Variants in GARIN2 observed in about 807,000 individuals in gnomAD.
GARIN2 encodes the protein Golgi-associated RAB2 interactor protein 2.
chr14:67,212,167 G>C, the GARIN2 span, among the ~76,000 whole-genome samples: 1 of 152,156 alleles, frequency 6.6e-6, no homozygotes, highest in Non-Finnish European at 1.5e-5. Context: ...GTAAGGTTCT[G>C]AGAAGCATAG....
chr14:67,213,655 T>C, the GARIN2 span, among the ~76,000 whole-genome samples: 1 of 152,082 alleles, frequency 6.6e-6, no homozygotes, highest in South Asian at 2.1e-4. Context: ...AGCAGCATGA[T>C]TTATAGTCCT....
the GARIN2 span, among the ~76,000 whole-genome samples, chr14:67,215,644 G>A: frequency 5.3e-5 from 8 of 152,186 alleles, no homozygotes; most frequent in Admixed American, 5.2e-4. Flanking sequence ...CTGCTCAGTG[G>A]AAAACATACC....
chr14:67,203,367 C>G, the GARIN2 span: 1 of 1,250,914 alleles, frequency 8.0e-7, no homozygotes, highest in Non-Finnish European at 1.1e-6. Flanking sequence ...AAAACGGAAA[C>G]ACTGATGACA....
At chr14:67,191,934 T>G in the GARIN2 span, among the ~76,000 whole-genome samples, 1 of 152,234 alleles carries the variant, frequency 6.6e-6, no homozygotes, top group African/African-American at 2.4e-5. Context: ...TGTAGCTGTC[T>G]GCTGAATGAA....
At chr14:67,192,690 C>G in the GARIN2 span, among the ~76,000 whole-genome samples, 21 of 151,192 alleles carry the variant, frequency 1.4e-4, no homozygotes, top group African/African-American at 4.9e-4. Flanking sequence ...TAGCTTGACA[C>G]CATGATTGAT....
chr14:67,198,785 C>T, the GARIN2 span, among the ~76,000 whole-genome samples: 1 of 152,170 alleles, frequency 6.6e-6, no homozygotes, highest in African/African-American at 2.4e-5. Flanking sequence ...ATGAATGAAA[C>T]TGCATTTCTA....
At chr14:67,216,179 C>T in the GARIN2 span, among the ~76,000 whole-genome samples, 4 of 151,954 alleles carry the variant, frequency 2.6e-5, no homozygotes, top group Non-Finnish European at 5.9e-5. Flanking sequence ...AACTATAGTC[C>T]ATAGTTTACA....
chr14:67,203,987 C>T, the GARIN2 span, among the ~76,000 whole-genome samples: 7 of 151,642 alleles, frequency 4.6e-5, no homozygotes, highest in African/African-American at 7.3e-5. Flanking sequence ...GCTGGGATTA[C>T]AGGCGTGAGC....
At chr14:67,202,185 A>T in the GARIN2 span, among the ~76,000 whole-genome samples, 2 of 152,248 alleles carry the variant, frequency 1.3e-5, no homozygotes, top group African/African-American at 4.8e-5. Context: ...TCACGCCTGT[A>T]ATCCCAGCAC....
chr14:67,226,456 G>A, the GARIN2 span, among the ~76,000 whole-genome samples: 1 of 152,226 alleles, frequency 6.6e-6, no homozygotes, highest in Non-Finnish European at 1.5e-5. Context: ...TGCCTCCTGG[G>A]TTCAAGAGAT....
At chr14:67,219,625 G>A in the GARIN2 span, among the ~76,000 whole-genome samples, 1 of 152,238 alleles carries the variant, frequency 6.6e-6, no homozygotes, top group South Asian at 2.1e-4. Flanking sequence ...AGCAGGTACT[G>A]TTTCATTAGT....
At chr14:67,200,203 C>A in the GARIN2 span, 1 of 1,122,652 alleles carries the variant, frequency 8.9e-7, no homozygotes, top group Non-Finnish European at 1.3e-6. Context: ...ACTGATGCCC[C>A]CCATGGATAC....
chr14:67,208,896 C>CAA, the GARIN2 span, among the ~76,000 whole-genome samples: 4 of 65,704 alleles, frequency 6.1e-5, no homozygotes, highest in South Asian at 4.9e-4. Flanking sequence ...AACTCTGTCT[C>CAA]AAAAAAAAAA....
At chr14:67,203,239 C>T in the GARIN2 span, 1 of 1,611,784 alleles carries the variant, frequency 6.2e-7, no homozygotes, top group Non-Finnish European at 8.5e-7. Flanking sequence ...GATACAGAAA[C>T]CCTGTTTAAA....
chr14:67,223,590 A>C, the GARIN2 span: 1 of 397,134 alleles, frequency 2.5e-6, no homozygotes, highest in Non-Finnish European at 3.4e-6. Flanking sequence ...GAGCAGAAAA[A>C]TTCCACTCTG....
chr14:67,225,135 A>G, the GARIN2 span: 1 of 1,583,186 alleles, frequency 6.3e-7, no homozygotes, highest in Non-Finnish European at 8.6e-7. Context: ...CCCTCATATC[A>G]AATCTCCTTC....
the GARIN2 span, among the ~76,000 whole-genome samples, chr14:67,220,438 T>A: frequency 6.6e-6 from 1 of 150,956 alleles, no homozygotes; most frequent in Non-Finnish European, 1.5e-5. Context: ...AGAGACCTTT[T>A]CTCAGGAAAA....
chr14:67,193,380 G>T, the GARIN2 span, among the ~76,000 whole-genome samples: 104 of 126,040 alleles, frequency 8.3e-4, no homozygotes, highest in Admixed American at 1.3e-3. Flanking sequence ...TATATATCTA[G>T]ATATATCTAG....
the GARIN2 span, chr14:67,227,408 G>T: frequency 6.8e-6 from 1 of 147,974 alleles, no homozygotes; most frequent in African/African-American, 2.5e-5. Context: ...CCACTGTACT[G>T]TAGCCGGGGC....
Sources: gnomAD v4.1 joint callset for allele counts (sites outside exome capture counted in the v4.1 genomes callset) on GRCh38, gnomAD v4.1.1 for gene constraint, MANE v1.5 for transcripts, NCBI Gene and HGNC (gene_info 2026-07-23, HGNC 2026-07-21) for gene names.